The following EMCN variants were observed in gnomAD, a reference collection of about 807,000 sequenced individuals.
The protein encoded by EMCN is MUC-14.
A neutral mutation model predicts 38.4 loss-of-function variants in EMCN; 37 were observed. The ratio of observed to expected loss-of-function variants is 0.96; its 90% CI spans 0.74 to 1.27. The LOEUF (loss-of-function observed/expected upper bound fraction) is 1.27. EMCN is among the 50% of genes most tolerant of loss of function. EMCN has a pLI of 0.00. For missense variants in EMCN, 318 were observed against 302.8 expected (o/e 1.05, Z -0.37); for synonymous variants, 95 against 100.8 (o/e 0.94, Z 0.35).
intron 5 of EMCN, among the ~76,000 whole-genome samples, chr4:100,440,854 G>T (rs1727494176): frequency 6.6e-6 from 1 of 152,066 alleles, no homozygotes; most frequent in Non-Finnish European, 1.5e-5. Flanking sequence ...GGGAGGCCAA[G>T]GCAGGCAGAT....
Position 100,396,629 on chromosome 4 carries a change from G to A in EMCN, c.*1784C>T, listed in dbSNP as rs1726128977. 1 of 136,610 alleles carries A rather than the reference G, an allele frequency of 7.3e-6. No homozygotes were observed. Among genetic ancestry groups the A allele is most frequent in the Non-Finnish European group, 1.5e-5 (1 of 66,262 alleles). The allele number at this position is 136,610 out of a possible 1,614,324, so 8.5% of individuals were successfully genotyped here. A position where few individuals can be genotyped will look rare whatever the true frequency, so the allele number is the denominator to read the frequency against. On this transcript the variant is annotated 3_prime_UTR_variant, in exon 12 of 12. Transcript: ENST00000296420. ...GCCATCTCAGCTCACTGCAACCTCT[G>A]TCTTCTGGGTTCAAGCGATTCACGT...
chr4:100,398,620 T>C (rs1179851954), intron 11 of EMCN, among the ~76,000 whole-genome samples: 2 of 152,112 alleles, frequency 1.3e-5, no homozygotes, highest in Non-Finnish European at 2.9e-5. Flanking sequence ...ATCTTTGGTA[T>C]TTCCTCCATG....
intron 4 of EMCN, among the ~76,000 whole-genome samples, chr4:100,461,802 T>A (rs1452527081): frequency 6.6e-6 from 1 of 152,238 alleles, no homozygotes; most frequent in Non-Finnish European, 1.5e-5. Context: ...ATACCCACAA[T>A]GTACTTGTCT....
intron 8 of EMCN, among the ~76,000 whole-genome samples, chr4:100,417,888 G>A (rs1726780614): frequency 6.6e-6 from 1 of 152,146 alleles, no homozygotes. Context: ...CCCTTGTTGT[G>A]CTCCTTTGGT....
intron 1 of EMCN, among the ~76,000 whole-genome samples, chr4:100,480,293 G>A (rs776473062): frequency 2.0e-5 from 3 of 151,920 alleles, no homozygotes; most frequent in African/African-American, 7.2e-5. Context: ...AACTAATGAG[G>A]AATAAATGTA....
At chr4:100,402,396 G>A (rs1369291422) in intron 11 of EMCN, among the ~76,000 whole-genome samples, 1 of 152,022 alleles carries the variant, frequency 6.6e-6, no homozygotes, top group Non-Finnish European at 1.5e-5. Flanking sequence ...CTTCTTTCCT[G>A]AAATCTTCTA....
At chr4:100,439,441 C>T (rs1242250850) in intron 5 of EMCN, among the ~76,000 whole-genome samples, 1 of 150,860 alleles carries the variant, frequency 6.6e-6, no homozygotes, top group Admixed American at 6.6e-5. Context: ...TATATTTTTT[C>T]GTAGTAGTCT....
At chr4:100,479,704 G>C (rs1464518060) in intron 2 of EMCN, among the ~76,000 whole-genome samples, 1 of 151,956 alleles carries the variant, frequency 6.6e-6, no homozygotes, top group Non-Finnish European at 1.5e-5. Flanking sequence ...CAAACAGGTT[G>C]TGATCCCAAA....
At position 100,502,005 on chromosome 4, in the gene EMCN, A is replaced by G. The variant is rs905343793; in HGVS notation, c.64+15846T>C. On this transcript the variant is annotated intron_variant, in intron 1 of 11. Coordinates refer to ENST00000296420, the MANE Select transcript of EMCN (RefSeq NM_016242.4). ...CAAGGAGTGGGGTTAAAAGTAGAAA[A>G]TTTAATAGGCGAAAGAAAGAAGAGA... Among the ~76,000 whole-genome samples the G allele has an allele frequency of 6.6e-5, 10 of 152,170 alleles. No individual in the cohort carries two copies. The East Asian group carries it at 1.9e-3, about 29-fold the overall frequency.
At chr4:100,485,859 C>G (rs1296492214) in intron 1 of EMCN, among the ~76,000 whole-genome samples, 4 of 151,942 alleles carry the variant, frequency 2.6e-5, no homozygotes, top group Admixed American at 2.6e-4. Context: ...GATGATGCAA[C>G]CTGGATAATT....
intron 4 of EMCN, among the ~76,000 whole-genome samples, chr4:100,459,104 G>C (rs1054475335): frequency 6.6e-6 from 1 of 151,390 alleles, no homozygotes; most frequent in South Asian, 2.1e-4. Context: ...GAATTTGTAG[G>C]ACTTCTTTTA....
chr4:100,414,981 C>T (rs1257866779), intron 10 of EMCN, among the ~76,000 whole-genome samples: 5 of 152,068 alleles, frequency 3.3e-5, no homozygotes, highest in Non-Finnish European at 7.4e-5. Flanking sequence ...TTGCAGCTTC[C>T]GCCCCCCGGG....
intron 11 of EMCN, among the ~76,000 whole-genome samples, chr4:100,409,756 G>A (rs193258719): frequency 6.6e-6 from 1 of 152,132 alleles, no homozygotes; most frequent in South Asian, 2.1e-4. Context: ...ACCATATTCT[G>A]GTATGGTCCT....
intron 1 of EMCN, among the ~76,000 whole-genome samples, chr4:100,491,110 G>A (rs2110292054): frequency 6.6e-6 from 1 of 152,042 alleles, no homozygotes; most frequent in African/African-American, 2.4e-5. Flanking sequence ...TCTATAGGTT[G>A]ATTCTTCATT....
chr4:100,508,693 TA>T (rs1729547869), intron 1 of EMCN, among the ~76,000 whole-genome samples: 2 of 152,196 alleles, frequency 1.3e-5, no homozygotes, highest in African/African-American at 4.8e-5. Context: ...GGGTGGGGAC[TA>T]ATCTGATCTA....
intron 1 of EMCN, among the ~76,000 whole-genome samples, chr4:100,502,044 G>C (rs1324822320): frequency 3.3e-5 from 5 of 152,120 alleles, no homozygotes; most frequent in African/African-American, 1.2e-4. Flanking sequence ...GCTCCCCCAC[G>C]TAAAGGAAGT....
intron 4 of EMCN, among the ~76,000 whole-genome samples, chr4:100,452,942 T>A (rs1560621209): frequency 6.6e-6 from 1 of 152,140 alleles, no homozygotes; most frequent in Non-Finnish European, 1.5e-5. Flanking sequence ...ATTCCCTATT[T>A]AATAAATGGT....
At chr4:100,485,049 G>T (rs1330426191) in intron 1 of EMCN, among the ~76,000 whole-genome samples, 1 of 152,010 alleles carries the variant, frequency 6.6e-6, no homozygotes, top group Non-Finnish European at 1.5e-5. Flanking sequence ...AACTCTTAAA[G>T]AAAATGATTT....
At chr4:100,463,407 G>T in intron 4 of EMCN, among the ~76,000 whole-genome samples, 1 of 151,812 alleles carries the variant, frequency 6.6e-6, no homozygotes. Context: ...TTGTTTGTTG[G>T]GTTTTCTAGT....
Sources: gnomAD v4.1 joint callset for allele counts (sites outside exome capture counted in the v4.1 genomes callset) on GRCh38, gnomAD v4.1.1 for gene constraint, MANE v1.5 for transcripts, NCBI Gene and HGNC (gene_info 2026-07-23, HGNC 2026-07-21) for gene names.